Variants in RBM33 observed in about 807,000 individuals in gnomAD.
RBM33 encodes RNA binding motif protein 33.
In RBM33, 28 loss-of-function variants were observed where a neutral mutation model predicts 132.6. That is an observed-to-expected ratio of 0.21 (90% CI 0.16 to 0.29). The LOEUF (loss-of-function observed/expected upper bound fraction) is 0.29, where lower values mean the gene tolerates loss of function less well. Among genes scored for constraint, RBM33 ranks in the 10% least tolerant of loss-of-function variants. RBM33 has a pLI of 1.00. For missense variants in RBM33, 1,291 were observed against 1,518.5 expected (o/e 0.85, Z 2.49); for synonymous variants, 634 against 593.0 (o/e 1.07, Z -1.01).
intron 5 of RBM33, among the ~76,000 whole-genome samples, chr7:155,689,714 C>T (rs1387625540): frequency 6.6e-6 from 1 of 152,150 alleles, no homozygotes; most frequent in African/African-American, 2.4e-5. Flanking sequence ...TTATTTCTGC[C>T]TTCATTTTGT....
chr7:155,748,999 A>G (rs1200469211), intron 14 of RBM33, among the ~76,000 whole-genome samples: 2 of 152,164 alleles, frequency 1.3e-5, no homozygotes, highest in Non-Finnish European at 2.9e-5. Flanking sequence ...GCCTTTCTCT[A>G]GGACTGAGAG....
intron 9 of RBM33, among the ~76,000 whole-genome samples, chr7:155,732,392 C>T (rs1376089992): frequency 1.3e-5 from 2 of 152,194 alleles, no homozygotes; most frequent in Non-Finnish European, 1.5e-5. Context: ...GTACATTTTA[C>T]TCTTCCTTTT....
intron 2 of RBM33, among the ~76,000 whole-genome samples, chr7:155,666,481 C>A (rs1398489455): frequency 2.0e-5 from 3 of 152,194 alleles, no homozygotes; most frequent in African/African-American, 7.2e-5. Context: ...CTGGGCATCT[C>A]TTATCCCAGT....
intron 16 of RBM33, among the ~76,000 whole-genome samples, chr7:155,770,826 G>A (rs927292717): frequency 1.3e-5 from 2 of 152,128 alleles, no homozygotes; most frequent in African/African-American, 4.8e-5. Flanking sequence ...GAAAAGAGGC[G>A]GGTTCTGAAC....
chr7:155,679,860 G>A (rs573558254), intron 4 of RBM33, among the ~76,000 whole-genome samples: 1 of 152,246 alleles, frequency 6.6e-6, no homozygotes, highest in African/African-American at 2.4e-5. Flanking sequence ...ACACAGATTT[G>A]CACGATCTTA....
intron 5 of RBM33, among the ~76,000 whole-genome samples, chr7:155,693,133 T>C (rs1390963669): frequency 6.6e-6 from 1 of 152,232 alleles, no homozygotes; most frequent in Admixed American, 6.5e-5. Flanking sequence ...TAATGATTAC[T>C]ACTAAATGGT....
At chr7:155,650,849 A>C (rs768517541) in intron 1 of RBM33, among the ~76,000 whole-genome samples, 1 of 152,306 alleles carries the variant, frequency 6.6e-6, no homozygotes, top group South Asian at 2.1e-4. Context: ...GAGTTAAGCA[A>C]TGCCACAGCT....
chr7:155,664,427 A>ATT (rs113000614), intron 1 of RBM33, among the ~76,000 whole-genome samples: 1 of 142,016 alleles, frequency 7.0e-6, no homozygotes, highest in African/African-American at 2.6e-5. Context: ...TGCCTGGCTG[A>ATT]TTTTTTTTTT....
chr7:155,762,236 T>A (rs552846950), intron 14 of RBM33, among the ~76,000 whole-genome samples: 1 of 152,358 alleles, frequency 6.6e-6, no homozygotes, highest in Non-Finnish European at 1.5e-5. Flanking sequence ...GCTGGTGTGC[T>A]GCCTGTTCCA....
intron 12 of RBM33, among the ~76,000 whole-genome samples, 197 bp downstream of exon 12, chr7:155,740,223 T>C (rs1458983815): frequency 6.6e-6 from 1 of 152,268 alleles, no homozygotes; most frequent in Non-Finnish European, 1.5e-5. Context: ...CAAGAATTGA[T>C]AAGATACTCC....
chr7:155,657,101 A>T (rs1463472394), intron 1 of RBM33, among the ~76,000 whole-genome samples: 1 of 151,986 alleles, frequency 6.6e-6, no homozygotes, highest in Non-Finnish European at 1.5e-5. Context: ...CTTATCTTGC[A>T]TTCTCTGATT....
In RBM33 at chr7:155,669,301, A is replaced by G. The variant is rs537041351; in HGVS notation, c.123-3566A>G. ...AAATTGTGTTTTATTTATTTTTTTT[A>G]AAGATATGAATGTCTCATGTGTCCA... is the stretch of plus-strand genomic sequence containing the variant. On this transcript the variant is annotated intron_variant, in intron 2 of 17. Transcript: ENST00000401878. Among the ~76,000 whole-genome samples, 15 of 152,198 alleles carry G rather than the reference A, an allele frequency of 9.9e-5. 1 individual carries two copies. In the South Asian group the frequency reaches 2.9e-3, roughly 29 times the overall value.
intron 9 of RBM33, among the ~76,000 whole-genome samples, chr7:155,737,265 T>TGA (rs1801157178): frequency 6.6e-6 from 1 of 150,658 alleles, no homozygotes; most frequent in East Asian, 2.0e-4. Context: ...TGTGTGTGTG[T>TGA]GATTACAATA....
rs887971633 is a variant in RBM33, at chr7:155,699,522, A to G, written c.568-1251A>G. On this transcript the variant is annotated intron_variant, in intron 5 of 17. Coordinates refer to ENST00000401878, the MANE Select transcript of RBM33 (RefSeq NM_053043.3). ...ATTTCAAACACTCAGTAGTACAGAA[A>G]TAACGGTATCAAACCAGCAAAAATC... is the stretch of plus-strand genomic sequence containing the variant. 3.3e-5 allele frequency among the ~76,000 whole-genome samples: 5 copies of G among 152,236 alleles called. No homozygotes were observed. The South Asian group carries it at 6.2e-4, about 19-fold the overall frequency.
intron 1 of RBM33, among the ~76,000 whole-genome samples, chr7:155,650,735 A>G (rs971362620): frequency 1.3e-5 from 2 of 152,100 alleles, no homozygotes; most frequent in Non-Finnish European, 2.9e-5. Flanking sequence ...AATTTCCTGT[A>G]TTATTATTGA....
intron 13 of RBM33, among the ~76,000 whole-genome samples, chr7:155,744,369 G>A (rs1367483610): frequency 1.3e-5 from 2 of 152,122 alleles, no homozygotes; most frequent in Non-Finnish European, 2.9e-5. Context: ...AATATTAAAG[G>A]CGTTCCTTAT....
At chr7:155,662,211 A>G (rs1020842213) in intron 1 of RBM33, among the ~76,000 whole-genome samples, 1 of 152,170 alleles carries the variant, frequency 6.6e-6, no homozygotes, top group African/African-American at 2.4e-5. Context: ...GCTCTGGGGC[A>G]TAAATTGCTT....
chr7:155,758,123 C>T (rs1363252452), intron 14 of RBM33, among the ~76,000 whole-genome samples: 1 of 152,160 alleles, frequency 6.6e-6, no homozygotes, highest in Non-Finnish European at 1.5e-5. Context: ...TGTACGGACC[C>T]TAGTACCTTT....
chr7:155,746,252 C>T (rs1298227436), intron 14 of RBM33, among the ~76,000 whole-genome samples: 3 of 152,158 alleles, frequency 2.0e-5, no homozygotes, highest in African/African-American at 7.2e-5. Flanking sequence ...GCTTTAGACT[C>T]AGTGAGCAGC....
Sources: allele counts gnomAD v4.1 joint callset (sites outside exome capture counted in the v4.1 genomes callset), GRCh38; gene constraint gnomAD v4.1.1; transcripts MANE v1.5; gene names NCBI Gene and HGNC (gene_info 2026-07-23, HGNC 2026-07-21).